CRYL1: variants seen among roughly 807,000 people sequenced by gnomAD.
CRYL1 encodes lambda-crystallin homolog.
A neutral mutation model predicts 36.6 loss-of-function variants in CRYL1; 29 were observed. The ratio of observed to expected loss-of-function variants is 0.79; its 90% CI spans 0.59 to 1.08. The LOEUF (loss-of-function observed/expected upper bound fraction) is 1.08, where lower values mean the gene tolerates loss of function less well. Ranked by LOEUF, CRYL1 falls within the 50% of genes least tolerant of loss-of-function variation. The pLI, the probability that CRYL1 is intolerant of heterozygous loss-of-function variation, is 0.00. For synonymous variants in CRYL1, 152 were observed against 151.5 expected (o/e 1.00, Z -0.02); for missense variants, 411 against 407.9 (o/e 1.01, Z -0.06).
At chr13:20,460,039 A>G (rs970309153) in intron 3 of CRYL1, among the ~76,000 whole-genome samples, 2 of 152,158 alleles carry the variant, frequency 1.3e-5, no homozygotes, top group African/African-American at 2.4e-5. Context: ...TTTTTTCTTT[A>G]AACAAAAATG....
intron 5 of CRYL1, among the ~76,000 whole-genome samples, chr13:20,416,236 G>A (rs2031660598): frequency 6.6e-6 from 1 of 152,328 alleles, no homozygotes; most frequent in Non-Finnish European, 1.5e-5. Flanking sequence ...GACTGCTAAG[G>A]AGAGTGAATC....
At chr13:20,439,447 T>C in intron 4 of CRYL1, 146 bp downstream of exon 4, 1 of 669,248 alleles carries the variant, frequency 1.5e-6, no homozygotes, top group Non-Finnish European at 2.4e-6. Context: ...TGTAAGTGAA[T>C]TATATCTCAA....
At chr13:20,476,245 A>C (rs1462237318) in intron 3 of CRYL1, among the ~76,000 whole-genome samples, 1 of 151,896 alleles carries the variant, frequency 6.6e-6, no homozygotes, top group East Asian at 1.9e-4. Flanking sequence ...AATCCCAGCT[A>C]CCAGGAGGCT....
In CRYL1 at chr13:20,525,821, G is replaced by A. The variant is rs2034182934; in HGVS notation, c.-27C>T. On this transcript the variant is annotated 5_prime_UTR_variant, in exon 1 of 8. Coordinates refer to ENST00000298248, the MANE Select transcript of CRYL1 (RefSeq NM_015974.3). The surrounding 1 kb of genome is among the most constrained non-coding windows in gnomAD (Gnocchi z 4.3). ...GTTGGGCCGGGGACGCGGCGCCGCG[G>A]GCGCTGGGACCAGGCGCCGGCGGAG... The A allele has an allele frequency of 1.6e-6, 2 of 1,227,574 alleles. No individual in the cohort carries two copies. Among genetic ancestry groups the A allele is most frequent in the Admixed American group, 4.3e-5 (1 of 23,218 alleles). The allele number at this position is 1,227,574 out of a possible 1,614,324, so 76.0% of individuals were successfully genotyped here.
intron 3 of CRYL1, among the ~76,000 whole-genome samples, chr13:20,458,426 G>A (rs2032733066): frequency 6.6e-6 from 1 of 152,104 alleles, no homozygotes. Context: ...TGGACCCTTT[G>A]AAATCTTAAC....
At chr13:20,485,367 T>C (rs1044997106) in intron 3 of CRYL1, among the ~76,000 whole-genome samples, 27 of 152,054 alleles carry the variant, frequency 1.8e-4, no homozygotes, top group African/African-American at 6.3e-4. Flanking sequence ...TTACATCATA[T>C]AAAGAAATGT....
intron 1 of CRYL1, among the ~76,000 whole-genome samples, chr13:20,521,169 C>T (rs73447936): frequency 0.023 from 3,056 of 130,960 alleles, 122 homozygotes; most frequent in African/African-American, 0.086. Context: ...AACGAACGAA[C>T]GAAAAAAAGA....
intron 2 of CRYL1, among the ~76,000 whole-genome samples, chr13:20,507,690 A>G (rs7995977): frequency 0.63 from 95,507 of 151,898 alleles, 30,005 homozygotes; most frequent in South Asian, 0.71. Context: ...AGGCCAAGGC[A>G]GGCGGATCAC....
intron 2 of CRYL1, among the ~76,000 whole-genome samples, chr13:20,505,862 C>T (rs1255103510): frequency 1.3e-5 from 2 of 152,160 alleles, no homozygotes; most frequent in Non-Finnish European, 2.9e-5. Context: ...GACATTTTAA[C>T]CTTGGGGTTT....
chr13:20,507,873 G>C (rs897259536), intron 2 of CRYL1, among the ~76,000 whole-genome samples: 2 of 148,944 alleles, frequency 1.3e-5, no homozygotes, highest in South Asian at 2.1e-4. Context: ...AGCCAAGATC[G>C]AGCCACTGCA....
rs746751501 is a variant in CRYL1 at position 20,415,036 on chromosome 13, G to T, written c.634-1649C>A. Reference sequence around the variant, plus strand: ...CGCCTGCGAGAGCCCGACCGTGGACGATGCGTCGCGCCCTTCCCATCGCGG... The same window carrying T: ...CGCCTGCGAGAGCCCGACCGTGGACTATGCGTCGCGCCCTTCCCATCGCGG... On this transcript the variant is annotated intron_variant, in intron 5 of 7. Transcript: ENST00000298248. This position sits in a 1 kb window ranked among gnomAD's most constrained non-coding sequence, Gnocchi z 4.1. Among the ~76,000 whole-genome samples the T allele has an allele frequency of 4.6e-5, 7 of 152,108 alleles. No homozygotes were observed. Among genetic ancestry groups the T allele is most frequent in the Non-Finnish European group, 8.8e-5 (6 of 67,988 alleles).
At chr13:20,518,938 C>T (rs1224312591) in intron 1 of CRYL1, among the ~76,000 whole-genome samples, 6 of 152,310 alleles carry the variant, frequency 3.9e-5, no homozygotes, top group East Asian at 1.9e-4. Flanking sequence ...CTGGGAAAGA[C>T]TAGCAATGGA....
intron 3 of CRYL1, among the ~76,000 whole-genome samples, chr13:20,456,643 C>T (rs2137425279): frequency 1.6e-5 from 2 of 128,802 alleles, no homozygotes; most frequent in East Asian, 4.4e-4. Context: ...CACACAAAGA[C>T]CACGATTCTT....
intron 5 of CRYL1, among the ~76,000 whole-genome samples, chr13:20,424,996 T>C (rs1419028543): frequency 5.9e-5 from 9 of 152,190 alleles, no homozygotes; most frequent in Admixed American, 5.9e-4. Context: ...CCAACTTCCC[T>C]ACACACTGGG....
intron 3 of CRYL1, among the ~76,000 whole-genome samples, chr13:20,444,132 A>G (rs1056361956): frequency 1.3e-5 from 2 of 152,242 alleles, no homozygotes; most frequent in African/African-American, 4.8e-5. Flanking sequence ...ACATTTTTAA[A>G]AAAAGAATCT....
intron 5 of CRYL1, among the ~76,000 whole-genome samples, chr13:20,423,176 T>G (rs1297606094): frequency 2.0e-5 from 3 of 152,192 alleles, no homozygotes; most frequent in Admixed American, 6.5e-5. Flanking sequence ...TCCAACAGAA[T>G]TTTAGGGTTT....
rs1330825450 is a variant in CRYL1, at chr13:20,485,433, C to T, written c.276+3937G>A. 2.6e-5 allele frequency among the ~76,000 whole-genome samples: 4 copies of T among 152,032 alleles called. No individual in the cohort carries two copies. The East Asian group carries it at 7.7e-4, about 29-fold the overall frequency. On this transcript the variant is annotated intron_variant, in intron 3 of 7. Transcript: ENST00000298248. Reference sequence around the variant, plus strand: ...ATCCCAGGACTTTGGGAGGTGGAGGCAGGTGGATCACTTGAGGTCAGGAGT... The same window carrying T: ...ATCCCAGGACTTTGGGAGGTGGAGGTAGGTGGATCACTTGAGGTCAGGAGT...
intron 5 of CRYL1, among the ~76,000 whole-genome samples, chr13:20,428,012 T>G (rs2031970800): frequency 6.6e-6 from 1 of 152,140 alleles, no homozygotes; most frequent in African/African-American, 2.4e-5. Context: ...TTAAAGAAAT[T>G]AAATTCATCG....
chr13:20,490,784 C>G (rs769754383), intron 2 of CRYL1, among the ~76,000 whole-genome samples: 4 of 152,128 alleles, frequency 2.6e-5, no homozygotes, highest in Non-Finnish European at 5.9e-5. Context: ...GTGGTCTGTG[C>G]GGTCACCCGG....
Sources: allele counts gnomAD v4.1 joint callset (sites outside exome capture counted in the v4.1 genomes callset), GRCh38; gene constraint gnomAD v4.1.1; non-coding constraint Gnocchi (gnomAD v3.1); transcripts MANE v1.5; gene names NCBI Gene and HGNC (gene_info 2026-07-23, HGNC 2026-07-21).